Variants in EEFSEC observed in about 807,000 individuals in gnomAD.
The protein encoded by EEFSEC is eukaryotic elongation factor, selenocysteine-tRNA specific.
EEFSEC carries 43 observed loss-of-function variants against 42.1 expected under a neutral mutation model. The ratio of observed to expected loss-of-function variants is 1.02; its 90% CI spans 0.80 to 1.32. The LOEUF is 1.32. EEFSEC is among the 40% of genes most tolerant of loss of function. EEFSEC has a pLI of 0.00. For missense variants in EEFSEC, 745 were observed against 803.6 expected (o/e 0.93, Z 0.88); for synonymous variants, 354 against 339.1 (o/e 1.04, Z -0.48).
At chr3:128,338,278 G>A (rs1392360144) in intron 4 of EEFSEC, among the ~76,000 whole-genome samples, 1 of 152,208 alleles carries the variant, frequency 6.6e-6, no homozygotes, top group Non-Finnish European at 1.5e-5. Flanking sequence ...CAAATTCAAG[G>A]CAGCGGCACC....
chr3:128,402,080 T>G (rs902032690), intron 6 of EEFSEC, among the ~76,000 whole-genome samples: 1 of 152,226 alleles, frequency 6.6e-6, no homozygotes, highest in African/African-American at 2.4e-5. Context: ...GGCTCCCAGC[T>G]GGATGCCGGA....
intron 6 of EEFSEC, among the ~76,000 whole-genome samples, chr3:128,367,401 C>T (rs926533087): frequency 3.3e-5 from 5 of 152,198 alleles, no homozygotes; most frequent in African/African-American, 4.8e-5. Flanking sequence ...AGGCTTCCTT[C>T]GGAAGTGGCA....
intron 1 of EEFSEC, among the ~76,000 whole-genome samples, chr3:128,223,955 T>C (rs2065884829): frequency 6.7e-6 from 1 of 149,222 alleles, no homozygotes; most frequent in Admixed American, 6.8e-5. Flanking sequence ...TTATTATATA[T>C]TTGGTCTTTT....
At chr3:128,368,812 A>T (rs770959725) in intron 6 of EEFSEC, among the ~76,000 whole-genome samples, 19 of 152,218 alleles carry the variant, frequency 1.2e-4, no homozygotes, top group Non-Finnish European at 2.4e-4. Flanking sequence ...CCCTTCCCTC[A>T]TCTGCCTGCA....
intron 5 of EEFSEC, among the ~76,000 whole-genome samples, chr3:128,342,530 C>G (rs1382106829): frequency 6.6e-6 from 1 of 152,212 alleles, no homozygotes; most frequent in Non-Finnish European, 1.5e-5. Flanking sequence ...GAGGTCCAGC[C>G]CCTGGCTACC....
intron 1 of EEFSEC, among the ~76,000 whole-genome samples, chr3:128,175,061 TTC>T (rs1373493755): frequency 1.3e-5 from 2 of 151,748 alleles, no homozygotes; most frequent in African/African-American, 4.8e-5. Context: ...ATCATCGGCA[TTC>T]TCTCTTTTTC....
intron 6 of EEFSEC, among the ~76,000 whole-genome samples, chr3:128,359,365 G>C (rs970882199): frequency 6.6e-5 from 10 of 152,162 alleles, no homozygotes; most frequent in Admixed American, 5.2e-4. Flanking sequence ...GCCTGTGTTC[G>C]TATGAATGGG....
At chr3:128,323,018 A>G (rs1317330444) in intron 4 of EEFSEC, among the ~76,000 whole-genome samples, 2 of 152,170 alleles carry the variant, frequency 1.3e-5, no homozygotes, top group African/African-American at 4.8e-5. Flanking sequence ...TGTTTAAAGT[A>G]TTTCCATTAA....
rs577266608 is a variant in EEFSEC, at chr3:128,346,422, T to C, written c.1443+4533T>C. Among the ~76,000 whole-genome samples, 13 of 152,378 alleles carry C rather than the reference T, an allele frequency of 8.5e-5. No homozygotes were observed. In the South Asian group the frequency reaches 2.5e-3, roughly 29 times the overall value. On this transcript the variant is annotated intron_variant, in intron 5 of 6. Coordinates refer to ENST00000254730, the MANE Select transcript of EEFSEC (RefSeq NM_021937.5). ...TGTCTGCTATGATGAAATATACTGT[T>C]TTAAGTTTTCTCTTTTTTGACATTG...
intron 4 of EEFSEC, among the ~76,000 whole-genome samples, chr3:128,330,556 G>A (rs2067115810): frequency 6.6e-6 from 1 of 152,140 alleles, no homozygotes; most frequent in Admixed American, 6.5e-5. Context: ...GGACCCCTGA[G>A]GTCTCAGTGA....
rs542900028 is a variant in EEFSEC at position 128,206,158 on chromosome 3, A to C, written c.317-40678A>C. ...ACTGAGAATGATGGTGGGTGTGTGG[A>C]GCAGGATTGTGTGAGGCACAATCTG... On this transcript the variant is annotated intron_variant, in intron 1 of 6. Coordinates refer to ENST00000254730, the MANE Select transcript of EEFSEC (RefSeq NM_021937.5). 2.0e-5 allele frequency among the ~76,000 whole-genome samples: 3 copies of C among 152,262 alleles called. No individual in the cohort carries two copies. In the South Asian group the frequency reaches 6.2e-4, roughly 32 times the overall value.
intron 4 of EEFSEC, among the ~76,000 whole-genome samples, chr3:128,310,458 G>A (rs555420430): frequency 1.3e-5 from 2 of 152,182 alleles, no homozygotes; most frequent in African/African-American, 4.8e-5. Flanking sequence ...CCAAGAGATT[G>A]CCTCTTAGCA....
Position 128,153,808 on chromosome 3 carries a change from C to G in EEFSEC, c.301C>G (p.Arg101Gly), listed in dbSNP as rs766214260. 6.6e-7 allele frequency: 1 copy of G among 1,517,142 alleles called. No homozygotes were observed. The highest frequency in any genetic ancestry group is 1.2e-5 in the South Asian group (1 of 82,628). The allele number at this position is 1,517,142 out of a possible 1,614,324, so 94.0% of individuals were successfully genotyped here. A position where few individuals can be genotyped will look rare whatever the true frequency, so the allele number is the denominator to read the frequency against. ...CTGCCCCGGGCACGCCTCCCTCATC[C>G]GGACCATCATCGGCGGTGAGCGCGG... Reference protein sequence around the residue: ...VDCPGHASLIRTIIGGAQIID... With the variant: ...VDCPGHASLIGTIIGGAQIID... Residue 101 changes from arginine to glycine, a missense_variant, in exon 1 of 7, where the codon CGG becomes GGG. Coordinates refer to ENST00000254730, the MANE Select transcript of EEFSEC (RefSeq NM_021937.5).
At chr3:128,348,279 T>TGTGC (rs1341184774) in intron 5 of EEFSEC, among the ~76,000 whole-genome samples, 30 of 115,242 alleles carry the variant, frequency 2.6e-4, no homozygotes, top group Middle Eastern at 4.4e-3. Flanking sequence ...TGCGTGTGCG[T>TGTGC]GTGTGTGTGT....
chr3:128,224,849 A>T (rs985755205), intron 1 of EEFSEC, among the ~76,000 whole-genome samples: 2 of 152,252 alleles, frequency 1.3e-5, no homozygotes, highest in African/African-American at 4.8e-5. Context: ...ACAAAAGGAT[A>T]TAAGAACATA....
intron 4 of EEFSEC, among the ~76,000 whole-genome samples, chr3:128,304,080 T>G (rs1223466972): frequency 2.0e-5 from 3 of 151,684 alleles, no homozygotes; most frequent in South Asian, 4.1e-4. Flanking sequence ...ATAATAGGTT[T>G]TTTTTTTTTT....
chr3:128,348,971 G>A (rs1228842421), intron 5 of EEFSEC, among the ~76,000 whole-genome samples: 2 of 152,224 alleles, frequency 1.3e-5, no homozygotes, highest in Non-Finnish European at 2.9e-5. Context: ...GCCAAGGTGG[G>A]AGGAAGTAGG....
intron 4 of EEFSEC, among the ~76,000 whole-genome samples, chr3:128,329,397 G>A (rs1256577533): frequency 6.6e-6 from 1 of 150,454 alleles, no homozygotes; most frequent in Non-Finnish European, 1.5e-5. Flanking sequence ...ACGGAGATTA[G>A]TGCCACCCAG....
At chr3:128,220,355 T>G (rs539250433) in intron 1 of EEFSEC, among the ~76,000 whole-genome samples, 1 of 152,194 alleles carries the variant, frequency 6.6e-6, no homozygotes, top group Non-Finnish European at 1.5e-5. Context: ...TCATGGTGTT[T>G]ATGTGGCTGT....
Sources: allele counts gnomAD v4.1 joint callset (sites outside exome capture counted in the v4.1 genomes callset), GRCh38; gene constraint gnomAD v4.1.1; transcripts MANE v1.5; gene names NCBI Gene and HGNC (gene_info 2026-07-23, HGNC 2026-07-21).